CLCN4: variants seen among roughly 807,000 people sequenced by gnomAD.
CLCN4 encodes the protein Cl-/H+ antiporter 4.
CLCN4 carries 1 observed loss-of-function variant against 41.7 expected under a neutral mutation model. The observed-to-expected ratio is 0.02, with a 90% CI of 0.01 to 0.11. CLCN4 has a LOEUF of 0.11. Ranked by LOEUF, CLCN4 falls within the 10% of genes least tolerant of loss-of-function variation. The probability of loss-of-function intolerance (pLI) is 1.00; values close to 1 mark genes in which losing one functional copy is unlikely to be tolerated. For synonymous variants in CLCN4, 277 were observed against 285.8 expected (o/e 0.97, Z 0.31); for missense variants, 287 against 661.0 (o/e 0.43, Z 6.20).
Position 10,163,272 on chromosome X carries a change from C to G in CLCN4, c.-12+4721C>G, listed in dbSNP as rs1923154778. Among the ~76,000 whole-genome samples the G allele has an allele frequency of 2.7e-5, 3 of 112,931 alleles. No individual in the cohort carries two copies. In the South Asian group the frequency reaches 1.1e-3, roughly 41 times the overall value. ...GAAGAGGTGTGTGGGGACAGTCCCC[C>G]CTCCTATCCCTTCCCCCATACACAC... On this transcript the variant is annotated intron_variant, in intron 2 of 12. Transcript: ENST00000380833.
rs752394777 is a variant in CLCN4 at position 10,229,392 on chromosome X, T to C, written c.2193-4102T>C. ...GAACACATGAGATTTTTAAAATATA[T>C]ATATATATATATTTTATTATACTTT... On this transcript the variant is annotated intron_variant, in intron 12 of 12. Transcript: ENST00000380833. Among the ~76,000 whole-genome samples the C allele has an allele frequency of 6.8e-3, 745 of 108,956 alleles. 8 individuals are homozygous for C. Among genetic ancestry groups the C allele is most frequent in the African/African-American group, 0.023 (692 of 30,049 alleles). The allele number at this position is 108,956 out of a possible 115,157, so 94.6% of individuals were successfully genotyped here.
intron 10 of CLCN4, among the ~76,000 whole-genome samples, chrX:10,213,064 G>C (rs1435706197): frequency 1.8e-5 from 2 of 111,916 alleles, no homozygotes; most frequent in Non-Finnish European, 3.8e-5. Flanking sequence ...TTATAATGAA[G>C]TTGAATATCT....
Position 10,213,895 on chromosome X carries a change from C to T in CLCN4, c.1791C>T (p.Thr597=), listed in dbSNP as rs200013393. The T allele has an allele frequency of 5.0e-6, 6 of 1,210,303 alleles. No homozygotes were observed. The African/African-American group carries it at 5.2e-5, about 11-fold the overall frequency. ...KDEFTHRTLA[T]DVMRPRRGEP... Reference sequence around the variant, plus strand: ...AGTTTACTCACCGCACACTGGCCACCGACGTCATGCGGCCCCGGCGGGGAG... The same window carrying T: ...AGTTTACTCACCGCACACTGGCCACTGACGTCATGCGGCCCCGGCGGGGAG... The change falls in exon 11 of 13, where the codon ACC becomes ACT. Residue 597 remains threonine, a synonymous_variant. Coordinates refer to ENST00000380833, the MANE Select transcript of CLCN4 (RefSeq NM_001830.4).
intron 2 of CLCN4, among the ~76,000 whole-genome samples, chrX:10,174,186 G>A (rs1044214192): frequency 8.9e-6 from 1 of 112,060 alleles, no homozygotes. Flanking sequence ...AGCCACTACC[G>A]TGGAAAGAGA....
chrX:10,168,208 T>C (rs999322567), intron 2 of CLCN4, among the ~76,000 whole-genome samples: 3 of 112,295 alleles, frequency 2.7e-5, no homozygotes, highest in Non-Finnish European at 5.6e-5. Context: ...GAGGCTTCAG[T>C]AAAATATTCC....
intron 6 of CLCN4, among the ~76,000 whole-genome samples, chrX:10,199,172 G>A (rs1376065897): frequency 3.6e-5 from 4 of 112,377 alleles, no homozygotes; most frequent in East Asian, 2.8e-4. Flanking sequence ...TTTTCTCAGC[G>A]CAGCCAGTTC....
chrX:10,215,460 C>T (rs1390614549), intron 11 of CLCN4, among the ~76,000 whole-genome samples: 3 of 111,648 alleles, frequency 2.7e-5, no homozygotes, highest in Non-Finnish European at 3.8e-5. Context: ...AAGTGTTCGG[C>T]GATGCTTCTC....
chrX:10,186,479 G>T (rs1229232166), intron 3 of CLCN4, among the ~76,000 whole-genome samples: 2 of 111,173 alleles, frequency 1.8e-5, no homozygotes, highest in Non-Finnish European at 3.8e-5. Context: ...TGCTCACAAG[G>T]TCACCCTCTA....
chrX:10,220,632 G>T, intron 11 of CLCN4, 29 bp from the exon 12 acceptor site: 2 of 1,147,116 alleles, frequency 1.7e-6, no homozygotes, highest in Non-Finnish European at 2.4e-6. Flanking sequence ...TTTTTGTGTG[G>T]CTCATTGTTC....
At chrX:10,202,191 C>G (rs1188529488) in intron 6 of CLCN4, among the ~76,000 whole-genome samples, 1 of 110,285 alleles carries the variant, frequency 9.1e-6, no homozygotes, top group Non-Finnish European at 1.9e-5. Flanking sequence ...TGAAAATAAG[C>G]GGCAGAGTGT....
intron 2 of CLCN4, among the ~76,000 whole-genome samples, chrX:10,181,004 A>C (rs994221839): frequency 2.9e-4 from 32 of 109,666 alleles, no homozygotes; most frequent in Middle Eastern, 4.7e-3. Context: ...AGACCTTGTG[A>C]AAGACCCTGG....
At chrX:10,178,823 AAAC>A (rs1211871582) in intron 2 of CLCN4, among the ~76,000 whole-genome samples, 5 of 112,045 alleles carry the variant, frequency 4.5e-5, no homozygotes, top group African/African-American at 1.6e-4. Context: ...AGCAGTAAAA[AAAC>A]AAACAAAAAA....
intron 11 of CLCN4, among the ~76,000 whole-genome samples, chrX:10,218,817 G>A (rs998922550): frequency 8.9e-6 from 1 of 112,398 alleles, no homozygotes; most frequent in African/African-American, 3.2e-5. Context: ...CATAGCTCAG[G>A]CTTCTGGCTC....
chrX:10,191,302 G>T (rs1054840937), intron 4 of CLCN4, among the ~76,000 whole-genome samples: 4 of 110,345 alleles, frequency 3.6e-5, no homozygotes, highest in African/African-American at 1.3e-4. Context: ...TGGTCTTTGT[G>T]ATTAACTTAT....
intron 2 of CLCN4, among the ~76,000 whole-genome samples, chrX:10,161,124 G>GCTCTCTCTCT (rs34687262): frequency 0.044 from 3,793 of 86,287 alleles, 133 homozygotes; most frequent in East Asian, 0.075. Flanking sequence ...CCATCAGCTT[G>GCTCTCTCTCT]CTCTCTCTCT....
Position 10,158,443 on chromosome X carries a change from G to T in CLCN4, c.-120G>T. ...CCCCGAGGGCGTCACGTGGCAGCGT[G>T]GGGCCCGCCTCCTGGTGATGTCACG... On this transcript the variant is annotated 5_prime_UTR_variant, in exon 2 of 13. Transcript: ENST00000380833. 1 of 297,838 alleles carries T rather than the reference G, an allele frequency of 3.4e-6. No individual in the cohort carries two copies. The highest frequency in any genetic ancestry group is 4.7e-5 in the East Asian group (1 of 21,060). 24.5% of individuals were successfully genotyped at this position (297,838 alleles called of 1,213,427 possible).
At chrX:10,200,984 T>C (rs745771424) in intron 6 of CLCN4, among the ~76,000 whole-genome samples, 1 of 112,571 alleles carries the variant, frequency 8.9e-6, no homozygotes, top group South Asian at 3.6e-4. Context: ...CCACTGTACC[T>C]AGCTGAGCAT....
At chrX:10,199,182 C>T (rs1284792620) in intron 6 of CLCN4, among the ~76,000 whole-genome samples, 4 of 112,496 alleles carry the variant, frequency 3.6e-5, no homozygotes, top group African/African-American at 1.3e-4. Flanking sequence ...GCAGCCAGTT[C>T]TGCTATAATG....
At chrX:10,212,170 A>G (rs1924573755) in intron 9 of CLCN4, among the ~76,000 whole-genome samples, 1 of 112,445 alleles carries the variant, frequency 8.9e-6, no homozygotes, top group Non-Finnish European at 1.9e-5. Flanking sequence ...TTTGAATGTT[A>G]TTTGCAGTGG....
Sources: allele counts gnomAD v4.1 joint callset (sites outside exome capture counted in the v4.1 genomes callset), GRCh38; gene constraint gnomAD v4.1.1; transcripts MANE v1.5; gene names NCBI Gene and HGNC (gene_info 2026-07-23, HGNC 2026-07-21).